The following C10orf88 variants were observed in gnomAD, a reference collection of about 807,000 sequenced individuals.
C10orf88 encodes ATPase PAAT.
Under a neutral mutation model 34.2 loss-of-function variants are expected in C10orf88, and 29 were observed. The observed-to-expected ratio is 0.85, with a 90% CI of 0.63 to 1.16. The LOEUF (loss-of-function observed/expected upper bound fraction) is 1.16. Among genes scored for constraint, C10orf88 ranks in the 50% most tolerant of loss-of-function variants. The pLI, the probability that C10orf88 is intolerant of heterozygous loss-of-function variation, is 0.00. For synonymous variants in C10orf88, 194 were observed against 197.4 expected, an observed-to-expected ratio of 0.98 and a Z score of 0.15; for missense variants, 507 against 533.2, an observed-to-expected ratio of 0.95 and a Z score of 0.48.
chr10:122,950,814 ATGGTTT>A (rs1390966034), intron 3 of C10orf88, among the ~76,000 whole-genome samples: 1 of 152,240 alleles, frequency 6.6e-6, no homozygotes, highest in Non-Finnish European at 1.5e-5. Context: ...CTTTATTCAA[ATGGTTT>A]TAGAAGCTAT....
chr10:122,950,846 C>CA (rs1183466963), intron 3 of C10orf88, among the ~76,000 whole-genome samples: 1 of 152,126 alleles, frequency 6.6e-6, no homozygotes, highest in Admixed American at 6.5e-5. Flanking sequence ...ATATACTATC[C>CA]AAAACAACAT....
Position 122,932,279 on chromosome 10 carries a change from G to A in C10orf88, c.*148C>T. The A allele has an allele frequency of 1.2e-5, 7 of 604,264 alleles. No individual in the cohort carries two copies. Among genetic ancestry groups the A allele is most frequent in the Admixed American group, 6.2e-5 (2 of 32,414 alleles). 37.4% of individuals were successfully genotyped at this position (604,264 alleles called of 1,614,324 possible). On this transcript the variant is annotated 3_prime_UTR_variant, in exon 6 of 6. Transcript: ENST00000481909. Reference sequence around the variant, plus strand: ...CAGTACTGGATTTAAAATAACAAGTGTAGTAAAAACGAAAACTGAGGTCAC... The same window carrying A: ...CAGTACTGGATTTAAAATAACAAGTATAGTAAAAACGAAAACTGAGGTCAC...
At chr10:122,950,866 A>G (rs1848683382) in intron 3 of C10orf88, among the ~76,000 whole-genome samples, 1 of 152,252 alleles carries the variant, frequency 6.6e-6, no homozygotes, top group African/African-American at 2.4e-5. Flanking sequence ...TCTTGGGATA[A>G]TCAGTCCTGT....
chr10:122,952,991 T>C lies in C10orf88; in HGVS notation c.206A>G (p.Asp69Gly). Reference sequence around the variant, plus strand: ...CAGGTAAAGGAAGCAGGGGTTTTCATCTTTGTTGTTGTGGTTTCTCTTCAA... The same window carrying C: ...CAGGTAAAGGAAGCAGGGGTTTTCACCTTTGTTGTTGTGGTTTCTCTTCAA... ...VILKRNHNNK[D>G]ENPCFLYLRC... The change falls in exon 2 of 6, where the codon GAT becomes GGT. Residue 69 changes from aspartate (D) to glycine (G), a missense_variant. By Grantham distance (94) the Asp-to-Gly change is moderately conservative (BLOSUM62 -1). Transcript: ENST00000481909. The C allele has an allele frequency of 6.2e-7, 1 of 1,614,194 alleles. No homozygotes were observed. Among genetic ancestry groups the C allele is most frequent in the Non-Finnish European group, 8.5e-7 (1 of 1,180,018 alleles).
At chr10:122,952,075 T>A (rs1589698572) in intron 2 of C10orf88, 49 bp from the exon 3 acceptor site, 1 of 687,138 alleles carries the variant, frequency 1.5e-6, no homozygotes, top group Non-Finnish European at 2.1e-6. Flanking sequence ...TATTGTCACT[T>A]TTAATAGTTA....
At chr10:122,948,352 TAA>T (rs1007158186) in intron 4 of C10orf88, among the ~76,000 whole-genome samples, 8 of 152,128 alleles carry the variant, frequency 5.3e-5, no homozygotes, top group Admixed American at 1.3e-4. Flanking sequence ...TAAAAATTCT[TAA>T]AGACTACAGA....
intron 5 of C10orf88, among the ~76,000 whole-genome samples, chr10:122,935,481 T>C (rs1848526575): frequency 6.6e-6 from 1 of 152,042 alleles, no homozygotes; most frequent in Admixed American, 6.6e-5. Flanking sequence ...TTCTGTGCTA[T>C]CCATCTATAA....
At chr10:122,949,409 C>A (rs1269780957) in intron 3 of C10orf88, among the ~76,000 whole-genome samples, 2 of 152,044 alleles carry the variant, frequency 1.3e-5, no homozygotes, top group African/African-American at 4.8e-5. Flanking sequence ...TGATAAAATG[C>A]CTACATAATG....
Position 122,937,818 on chromosome 10 carries a change from C to G in C10orf88, c.990G>C (p.Glu330Asp), listed in dbSNP as rs146772739. 1 of 1,613,170 alleles carries G rather than the reference C, an allele frequency of 6.2e-7. No homozygotes were observed. Among genetic ancestry groups the G allele is most frequent in the East Asian group, 2.2e-5 (1 of 44,862 alleles). ...VSDNSNIPNS[E>D]LLPFLQNLCS... ...ATAAATTCTGGAGAAAAGGCAGCAA[C>G]TCGGAGTTGGGTATATTTGAGTTGT... Residue 330 changes from glutamate to aspartate, a missense_variant, in exon 5 of 6, where the codon GAG (glutamate) becomes GAC (aspartate). Physicochemically the swap from Glu to Asp is conservative, Grantham distance 45. Coordinates refer to ENST00000481909, the MANE Select transcript of C10orf88 (RefSeq NM_024942.4).
Position 122,953,999 on chromosome 10 carries a change from C to G in C10orf88, c.164+16G>C, listed in dbSNP as rs1016456481. The G allele has an allele frequency of 6.6e-7, 1 of 1,508,994 alleles. No homozygotes were observed. The highest frequency in any genetic ancestry group is 2.7e-5 in the East Asian group (1 of 37,680). 93.5% of individuals were successfully genotyped at this position (1,508,994 alleles called of 1,614,324 possible). ...TTGCCGAGCATAGCGACCCCGTCCC[C>G]GTCGGCCCGGCGCACCCTGGAGCAG... On this transcript the variant is annotated intron_variant, in intron 1 of 5. Coordinates refer to ENST00000481909, the MANE Select transcript of C10orf88 (RefSeq NM_024942.4).
intron 4 of C10orf88, among the ~76,000 whole-genome samples, chr10:122,945,486 AT>A (rs1250465254): frequency 6.6e-6 from 1 of 152,152 alleles, no homozygotes; most frequent in East Asian, 1.9e-4. Context: ...AGGCATTATT[AT>A]TATACAAGAT....
chr10:122,944,038 G>T (rs947112853), intron 4 of C10orf88, among the ~76,000 whole-genome samples: 2 of 151,850 alleles, frequency 1.3e-5, no homozygotes, highest in African/African-American at 4.8e-5. Context: ...TATACCCAAA[G>T]GATTATAAAT....
intron 4 of C10orf88, among the ~76,000 whole-genome samples, chr10:122,947,390 T>C (rs1456485767): frequency 1.3e-5 from 2 of 152,218 alleles, no homozygotes; most frequent in Non-Finnish European, 2.9e-5. Flanking sequence ...ATTTAGATTT[T>C]GTACATGAGG....
intron 4 of C10orf88, among the ~76,000 whole-genome samples, chr10:122,938,656 A>C (rs1347976273): frequency 2.0e-5 from 3 of 151,996 alleles, no homozygotes; most frequent in African/African-American, 7.2e-5. Flanking sequence ...TTTTTCCTGG[A>C]AACTACACAG....
rs1337956282 is a variant in C10orf88 at position 122,931,739 on chromosome 10, C to T, written c.*688G>A. On this transcript the variant is annotated 3_prime_UTR_variant, in exon 6 of 6. Transcript: ENST00000481909. ...AAAAGGAGAGGTTTTCTTAAACTGT[C>T]TGGGGTTACTGAGGTCAAACAAGAT... 4 of 152,122 alleles carry T rather than the reference C, an allele frequency of 2.6e-5. No homozygotes were observed. Among genetic ancestry groups the T allele is most frequent in the African/African-American group, 9.7e-5 (4 of 41,430 alleles). 9.4% of individuals were successfully genotyped at this position (152,122 alleles called of 1,614,324 possible). A position where few individuals can be genotyped will look rare whatever the true frequency, so the allele number is the denominator to read the frequency against.
Position 122,954,182 on chromosome 10 carries a change from G to T in C10orf88, c.-4C>A. ...CGTCCTCGGTCCGCGTCTCCATTCC[G>T]CCGCCTTCAGTCAGGCCAGCCCAGC... On this transcript the variant is annotated 5_prime_UTR_variant, in exon 1 of 6. Coordinates refer to ENST00000481909, the MANE Select transcript of C10orf88 (RefSeq NM_024942.4). 6.4e-7 allele frequency: 1 copy of T among 1,558,262 alleles called. No homozygotes were observed. Among genetic ancestry groups the T allele is most frequent in the East Asian group, 2.5e-5 (1 of 39,852 alleles).
chr10:122,948,930 C>A, intron 3 of C10orf88, 75 bp from the exon 4 acceptor site: 1 of 1,300,090 alleles, frequency 7.7e-7, no homozygotes. Flanking sequence ...CTTGGTATGA[C>A]CTAAACAAGA....
intron 3 of C10orf88, among the ~76,000 whole-genome samples, chr10:122,951,268 T>C (rs1293002066): frequency 4.6e-5 from 7 of 152,254 alleles, no homozygotes; most frequent in Admixed American, 6.5e-5. Context: ...ACAGTTTATA[T>C]AGTTTTTAAA....
chr10:122,948,040 C>T (rs1479966732), intron 4 of C10orf88, among the ~76,000 whole-genome samples: 1 of 152,140 alleles, frequency 6.6e-6, no homozygotes, highest in South Asian at 2.1e-4. Flanking sequence ...AAACATAAGT[C>T]AAAAACATCT....
Sources: allele counts gnomAD v4.1 joint callset (sites outside exome capture counted in the v4.1 genomes callset), GRCh38; gene constraint gnomAD v4.1.1; transcripts MANE v1.5; gene names NCBI Gene and HGNC (gene_info 2026-07-23, HGNC 2026-07-21).